The following ZNF618 variants were observed in gnomAD, a reference collection of about 807,000 sequenced individuals.
ZNF618 encodes the protein zinc finger protein 618, also known as neural precursor cell expressed, developmentally down-regulated 10.
In ZNF618, 34 loss-of-function variants were observed where a neutral mutation model predicts 103.0. The observed-to-expected ratio is 0.33, with a 90% CI of 0.25 to 0.44. The LOEUF is 0.44. Among genes scored for constraint, ZNF618 ranks in the 20% least tolerant of loss-of-function variants. The pLI is 1.00. For synonymous variants in ZNF618, 551 were observed against 542.2 expected, an observed-to-expected ratio of 1.02 and a Z score of -0.23; for missense variants, 1,059 against 1,295.4, an observed-to-expected ratio of 0.82 and a Z score of 2.80.
At chr9:113,969,654 GA>G (rs1417446993) in intron 2 of ZNF618, among the ~76,000 whole-genome samples, 7 of 152,242 alleles carry the variant, frequency 4.6e-5, no homozygotes, top group Non-Finnish European at 1.0e-4. Context: ...GGAGAGGGGA[GA>G]GGGGTGGTCC....
At chr9:114,031,449 G>A (rs550080873) in intron 11 of ZNF618, among the ~76,000 whole-genome samples, 38 of 152,158 alleles carry the variant, frequency 2.5e-4, no homozygotes, top group Non-Finnish European at 5.0e-4. Flanking sequence ...AATTGGGCAG[G>A]GTCTGCAGGC....
chr9:114,023,113 C>T (rs575184411), intron 10 of ZNF618, among the ~76,000 whole-genome samples: 1 of 151,900 alleles, frequency 6.6e-6, no homozygotes, highest in Non-Finnish European at 1.5e-5. Context: ...ATGTTTAATT[C>T]ATTTACATTT....
chr9:113,938,165 G>GTTTTTTTTTTT (rs770850585), intron 1 of ZNF618, among the ~76,000 whole-genome samples: 2 of 95,526 alleles, frequency 2.1e-5, no homozygotes, highest in Non-Finnish European at 2.0e-5. Flanking sequence ...TCAGGCTCCT[G>GTTTTTTTTTTT]TTTTTTTTTT....
At chr9:114,008,662 C>A in intron 9 of ZNF618, 108 bp downstream of exon 9, 1 of 1,318,720 alleles carries the variant, frequency 7.6e-7, no homozygotes, top group Non-Finnish European at 1.1e-6. Context: ...CATCACTTAA[C>A]TGCAGCAATG....
intron 10 of ZNF618, among the ~76,000 whole-genome samples, chr9:114,019,213 C>G (rs1442350253): frequency 6.6e-6 from 1 of 152,070 alleles, no homozygotes; most frequent in African/African-American, 2.4e-5. Context: ...GAGCAATGTT[C>G]TATTGTATGA....
At chr9:114,048,061 C>T (rs1845814645) in intron 14 of ZNF618, 67 bp downstream of exon 14, 4 of 1,312,490 alleles carry the variant, frequency 3.0e-6, no homozygotes, top group African/African-American at 1.5e-5. Context: ...TCTCTGCCCC[C>T]CATTCCCACC....
At chr9:113,994,719 C>T (rs1041231394) in intron 3 of ZNF618, among the ~76,000 whole-genome samples, 3 of 152,204 alleles carry the variant, frequency 2.0e-5, no homozygotes, top group African/African-American at 4.8e-5. Context: ...CTGCTATTAG[C>T]TGGAACCTCA....
At chr9:114,035,961 G>A (rs1844552180) in intron 12 of ZNF618, among the ~76,000 whole-genome samples, 1 of 152,216 alleles carries the variant, frequency 6.6e-6, no homozygotes. Context: ...CTCAGTCTCT[G>A]CCCCAAGAGG....
At chr9:113,926,393 C>T (rs538517112) in intron 1 of ZNF618, among the ~76,000 whole-genome samples, 1 of 151,982 alleles carries the variant, frequency 6.6e-6, no homozygotes, top group Admixed American at 6.5e-5. Flanking sequence ...TCTGAGCTTC[C>T]TGGATCTGTG....
intron 13 of ZNF618, among the ~76,000 whole-genome samples, chr9:114,043,498 T>C (rs1845390788): frequency 6.6e-6 from 1 of 152,264 alleles, no homozygotes; most frequent in South Asian, 2.1e-4. Flanking sequence ...TGAGCATCTG[T>C]TCATGTGCTC....
chr9:113,946,469 G>C (rs1303372420), intron 1 of ZNF618, among the ~76,000 whole-genome samples: 1 of 151,938 alleles, frequency 6.6e-6, no homozygotes, highest in Admixed American at 6.6e-5. Flanking sequence ...CAAGGAAATG[G>C]GGAGTCCTGG....
intron 3 of ZNF618, among the ~76,000 whole-genome samples, chr9:113,995,262 C>T (rs1348357642): frequency 4.0e-5 from 6 of 151,140 alleles, no homozygotes; most frequent in Admixed American, 4.0e-4. Context: ...AAAAAATTTC[C>T]TGGGATCATA....
intron 2 of ZNF618, among the ~76,000 whole-genome samples, chr9:113,985,492 C>T (rs1380201107): frequency 6.6e-6 from 1 of 152,234 alleles, no homozygotes; most frequent in African/African-American, 2.4e-5. Flanking sequence ...CTTGTGGTGT[C>T]CTGCAGCTAG....
In ZNF618 at chr9:113,988,383, A is replaced by G. The variant is rs1316342988; in HGVS notation, c.140A>G (p.Glu47Gly). 1 of 1,613,598 alleles carries G rather than the reference A, an allele frequency of 6.2e-7. No individual in the cohort carries two copies. Among genetic ancestry groups the G allele is most frequent in the Non-Finnish European group, 8.5e-7 (1 of 1,179,880 alleles). Reference protein sequence around the residue: ...KVEGPEPVPAEASLSAEQGTM... With the variant: ...KVEGPEPVPAGASLSAEQGTM... ...GAGGGCCCAGAGCCAGTGCCAGCCG[A>G]GGCCTCGCTGAGTGCCGAGCAAGGA... Residue 47 changes from glutamate (E) to glycine (G), a missense_variant, in exon 3 of 15, where the codon GAG becomes GGG. Glu to Gly is a moderately conservative substitution (Grantham distance 98). Transcript: ENST00000374126.
At chr9:113,962,095 T>A (rs1836895842) in intron 1 of ZNF618, among the ~76,000 whole-genome samples, 1 of 152,230 alleles carries the variant, frequency 6.6e-6, no homozygotes, top group African/African-American at 2.4e-5. Flanking sequence ...GTGTTTTCCC[T>A]GCAGGGTTAC....
intron 1 of ZNF618, among the ~76,000 whole-genome samples, chr9:113,886,794 C>A (rs1829108999): frequency 6.6e-6 from 1 of 151,572 alleles, no homozygotes; most frequent in Non-Finnish European, 1.5e-5. Flanking sequence ...CTGCATGTAG[C>A]TAGGAGTAGT....
intron 1 of ZNF618, among the ~76,000 whole-genome samples, chr9:113,911,095 A>G (rs1164610182): frequency 1.3e-5 from 2 of 152,196 alleles, no homozygotes; most frequent in African/African-American, 4.8e-5. Context: ...TGGCCTTCCA[A>G]AGTGCTGGGA....
chr9:113,926,836 A>G (rs542898031), intron 1 of ZNF618, among the ~76,000 whole-genome samples: 5 of 152,174 alleles, frequency 3.3e-5, no homozygotes, highest in Non-Finnish European at 7.3e-5. Context: ...AACATGGTGA[A>G]ACCCTGTCTT....
intron 9 of ZNF618, among the ~76,000 whole-genome samples, chr9:114,008,979 G>A (rs1251204415): frequency 6.6e-6 from 1 of 152,212 alleles, no homozygotes; most frequent in Non-Finnish European, 1.5e-5. Flanking sequence ...ACACGTCGTA[G>A]TCACCTGAAG....
Sources: gnomAD v4.1 joint callset for allele counts (sites outside exome capture counted in the v4.1 genomes callset) on GRCh38, gnomAD v4.1.1 for gene constraint, MANE v1.5 for transcripts, NCBI Gene and HGNC (gene_info 2026-07-23, HGNC 2026-07-21) for gene names.